CDC42BPA: variants seen among roughly 807,000 people sequenced by gnomAD.
CDC42BPA encodes serine/threonine-protein kinase MRCK alpha.
A neutral mutation model predicts 223.5 loss-of-function variants in CDC42BPA; 80 were observed. The observed-to-expected ratio is 0.36, with a 90% CI of 0.30 to 0.43. CDC42BPA has a LOEUF of 0.43. CDC42BPA is among the 20% of genes least tolerant of loss of function. The pLI is 1.00. For missense variants in CDC42BPA, 1,743 were observed against 2,099.9 expected (o/e 0.83, Z 3.32); for synonymous variants, 694 against 718.6 (o/e 0.97, Z 0.55).
chr1:227,027,934 A>G (rs934033497), intron 30 of CDC42BPA, among the ~76,000 whole-genome samples: 1 of 152,074 alleles, frequency 6.6e-6, no homozygotes, highest in African/African-American at 2.4e-5. Flanking sequence ...CTGAACAACT[A>G]ATGAGACCAT....
intron 14 of CDC42BPA, among the ~76,000 whole-genome samples, chr1:227,101,560 A>G (rs964646230): frequency 7.9e-5 from 12 of 152,158 alleles, no homozygotes; most frequent in Non-Finnish European, 1.5e-4. Flanking sequence ...TTTATTTACA[A>G]TTATTGTTGG....
intron 17 of CDC42BPA, among the ~76,000 whole-genome samples, chr1:227,076,856 C>A (rs1679593286): frequency 6.6e-6 from 1 of 152,158 alleles, no homozygotes; most frequent in African/African-American, 2.4e-5. Flanking sequence ...TTCCCTCTTT[C>A]ATTGTTACAC....
At chr1:227,094,650 G>A (rs530057) in intron 15 of CDC42BPA, among the ~76,000 whole-genome samples, 19,625 of 152,106 alleles carry the variant, frequency 0.13, 1,336 homozygotes, top group East Asian at 0.26. Context: ...TTACCCCAAG[G>A]TGGGTAAATA....
intron 2 of CDC42BPA, among the ~76,000 whole-genome samples, chr1:227,221,967 C>A (rs192154634): frequency 6.8e-6 from 1 of 147,760 alleles, no homozygotes; most frequent in East Asian, 2.0e-4. Flanking sequence ...ATAATCTCAG[C>A]ACTTTGGGAG....
At chr1:227,243,775 C>A (rs192772559) in intron 2 of CDC42BPA, among the ~76,000 whole-genome samples, 46 of 151,760 alleles carry the variant, frequency 3.0e-4, no homozygotes, top group Non-Finnish European at 5.6e-4. Context: ...CACACACACA[C>A]ACACACACAC....
At chr1:226,998,375 T>G (rs1214370594) in intron 35 of CDC42BPA, among the ~76,000 whole-genome samples, 1 of 152,086 alleles carries the variant, frequency 6.6e-6, no homozygotes, top group African/African-American at 2.4e-5. Context: ...GGAGGCATGA[T>G]ACTACCTGAT....
chr1:227,142,810 G>A (rs1005242026), intron 9 of CDC42BPA, 135 bp downstream of exon 9: 4 of 416,774 alleles, frequency 9.6e-6, no homozygotes, highest in African/African-American at 8.8e-5. Context: ...AGTAGAGATG[G>A]GGTTTCACCA....
At chr1:227,228,033 T>C (rs940267577) in intron 2 of CDC42BPA, among the ~76,000 whole-genome samples, 4 of 151,940 alleles carry the variant, frequency 2.6e-5, no homozygotes, top group Admixed American at 6.6e-5. Flanking sequence ...AAACACTGCA[T>C]GTTCTCACTT....
intron 12 of CDC42BPA, among the ~76,000 whole-genome samples, chr1:227,117,182 T>C (rs1687897369): frequency 6.6e-6 from 1 of 152,220 alleles, no homozygotes; most frequent in South Asian, 2.1e-4. Flanking sequence ...CTTTGCTGTA[T>C]GTAAGTAATA....
At chr1:227,220,297 T>G (rs1003481526) in intron 2 of CDC42BPA, among the ~76,000 whole-genome samples, 1 of 96,540 alleles carries the variant, frequency 1.0e-5, no homozygotes. Flanking sequence ...TATATATATA[T>G]ATATATATAT....
intron 2 of CDC42BPA, among the ~76,000 whole-genome samples, chr1:227,236,645 A>G (rs984576616): frequency 9.9e-5 from 15 of 152,240 alleles, no homozygotes; most frequent in Non-Finnish European, 1.8e-4. Flanking sequence ...AGTGAACAAT[A>G]TATAACTAAA....
chr1:227,015,611 G>A (rs958582608), intron 34 of CDC42BPA, among the ~76,000 whole-genome samples: 2 of 151,772 alleles, frequency 1.3e-5, no homozygotes, highest in Non-Finnish European at 2.9e-5. Context: ...AATGGGCAAA[G>A]GAAAACGATT....
chr1:227,035,380 C>A, intron 25 of CDC42BPA, 91 bp downstream of exon 25: 1 of 940,178 alleles, frequency 1.1e-6, no homozygotes, highest in Non-Finnish European at 1.6e-6. Context: ...AATTTTCCAT[C>A]AAGAACTATC....
chr1:227,216,535 T>C (rs1339644374), intron 2 of CDC42BPA, among the ~76,000 whole-genome samples: 3 of 152,184 alleles, frequency 2.0e-5, no homozygotes, highest in Non-Finnish European at 4.4e-5. Flanking sequence ...AATTGATAAA[T>C]GATGAGAAAA....
At chr1:227,044,542 T>C (rs533171940) in intron 23 of CDC42BPA, among the ~76,000 whole-genome samples, 2 of 152,288 alleles carry the variant, frequency 1.3e-5, no homozygotes, top group South Asian at 4.1e-4. Context: ...GCAATTTCAT[T>C]TAACTCTCCT....
chr1:227,229,539 C>G (rs956108790), intron 2 of CDC42BPA, among the ~76,000 whole-genome samples: 1 of 152,124 alleles, frequency 6.6e-6, no homozygotes, highest in African/African-American at 2.4e-5. Context: ...CCATTTCTAC[C>G]AGAAAGGTAC....
Position 227,171,427 on chromosome 1 carries a change from C to T in CDC42BPA, c.600-10791G>A, listed in dbSNP as rs145477685. On this transcript the variant is annotated intron_variant, in intron 5 of 36. Transcript: ENST00000366766. ...CTTGAGTCCAGGAGTTTATGACCAG[C>T]GTGAGCAACCTCATCGCTACAAAAA... Among the ~76,000 whole-genome samples the T allele has an allele frequency of 4.5e-3, 692 of 152,264 alleles. 15 individuals are homozygous for T. Among genetic ancestry groups the T allele is most frequent in the Admixed American group, 0.033 (510 of 15,292 alleles).
rs1670215766 is a variant in CDC42BPA, at chr1:227,193,915, T to C, written c.470A>G (p.Tyr157Cys). The C allele has an allele frequency of 1.9e-6, 3 of 1,610,726 alleles. No homozygotes were observed. Among genetic ancestry groups the C allele is most frequent in the Non-Finnish European group, 2.5e-6 (3 of 1,178,672 alleles). The change falls in exon 5 of 37, where the codon TAT (tyrosine) becomes TGT (cysteine). Residue 157 changes from tyrosine to cysteine, a missense_variant. Physicochemically the swap from Tyr to Cys is radical, Grantham distance 194. Coordinates refer to ENST00000366766, the MANE Select transcript of CDC42BPA (RefSeq NM_001394014.1). ...DNNLYLVMDY[Y>C]VGGDLLTLLS... ...TAGAGTAAGCAAATCCCCACCAACA[T>C]AATAATCCATAACCAGGTACTGTGA...
At chr1:227,222,357 A>G (rs955117921) in intron 2 of CDC42BPA, among the ~76,000 whole-genome samples, 1 of 151,962 alleles carries the variant, frequency 6.6e-6, no homozygotes, top group Non-Finnish European at 1.5e-5. Context: ...GAAAATACAA[A>G]AAAATTAGGC....
Sources: allele counts gnomAD v4.1 joint callset (sites outside exome capture counted in the v4.1 genomes callset), GRCh38; gene constraint gnomAD v4.1.1; transcripts MANE v1.5; gene names NCBI Gene and HGNC (gene_info 2026-07-23, HGNC 2026-07-21).